Variants in NSG2 observed in about 807,000 individuals in gnomAD.
NSG2 encodes neuronal vesicle trafficking associated 2, also known as neuronal vesicle trafficking-associated protein 2.
A neutral mutation model predicts 16.9 loss-of-function variants in NSG2; 4 were observed. That is an observed-to-expected ratio of 0.24 (90% CI 0.12 to 0.54). NSG2 has a LOEUF of 0.54. Among genes scored for constraint, NSG2 ranks in the 20% least tolerant of loss-of-function variants. The probability of loss-of-function intolerance (pLI) is 0.95; values close to 1 mark genes in which losing one functional copy is unlikely to be tolerated. For synonymous variants in NSG2, 98 were observed against 88.7 expected (o/e 1.11, Z -0.59); for missense variants, 179 against 221.1 (o/e 0.81, Z 1.21).
At position 174,104,216 on chromosome 5, in the gene NSG2, G is replaced by C. The variant is rs768654994; in HGVS notation, c.214-12G>C. On this transcript the variant is annotated splice_polypyrimidine_tract_variant and intron_variant, in intron 3 of 4. Coordinates refer to ENST00000303177, the MANE Select transcript of NSG2 (RefSeq NM_015980.5). Reference sequence around the variant, plus strand: ...GACTGAGGCTGGATGACTTAATTTTGTATTCCTCCAGGTCACCATCCTTGT... The same window carrying C: ...GACTGAGGCTGGATGACTTAATTTTCTATTCCTCCAGGTCACCATCCTTGT... 6.2e-7 allele frequency: 1 copy of C among 1,603,642 alleles called. No individual in the cohort carries two copies. The highest frequency in any genetic ancestry group is 2.2e-5 in the East Asian group (1 of 44,824).
chr5:174,059,156 C>T (rs1050039501), intron 2 of NSG2, among the ~76,000 whole-genome samples: 8 of 152,272 alleles, frequency 5.3e-5, no homozygotes, highest in South Asian at 4.1e-4. Context: ...ACATATTATA[C>T]ATATAAATTA....
At chr5:174,055,831 G>A (rs1020942609) in intron 2 of NSG2, among the ~76,000 whole-genome samples, 2 of 152,122 alleles carry the variant, frequency 1.3e-5, no homozygotes, top group Admixed American at 6.5e-5. Flanking sequence ...TCCCTTTCCC[G>A]CTCTATGCCT....
chr5:174,095,291 A>G (rs541834932), intron 3 of NSG2, among the ~76,000 whole-genome samples: 136 of 152,328 alleles, frequency 8.9e-4, no homozygotes, highest in African/African-American at 3.2e-3. Flanking sequence ...ACAAATGACC[A>G]TAAACTGTGC....
intron 3 of NSG2, among the ~76,000 whole-genome samples, chr5:174,073,746 C>T (rs995654029): frequency 6.6e-5 from 10 of 152,142 alleles, no homozygotes; most frequent in Admixed American, 1.3e-4. Flanking sequence ...TGATGAGAGA[C>T]GGGGTGATTC....
intron 3 of NSG2, among the ~76,000 whole-genome samples, chr5:174,094,714 A>G (rs144160235): frequency 1.8e-3 from 270 of 152,320 alleles, no homozygotes; most frequent in African/African-American, 6.1e-3. Flanking sequence ...CAGACAAACT[A>G]TACTTCAGAT....
chr5:174,059,645 C>T (rs190349579), intron 2 of NSG2, among the ~76,000 whole-genome samples: 1 of 152,156 alleles, frequency 6.6e-6, no homozygotes, highest in Non-Finnish European at 1.5e-5. Flanking sequence ...GCCCCTATAA[C>T]TGTGGATCCC....
chr5:174,083,385 C>G (rs1034889369), intron 3 of NSG2, among the ~76,000 whole-genome samples: 2 of 152,172 alleles, frequency 1.3e-5, no homozygotes, highest in African/African-American at 4.8e-5. Flanking sequence ...TTCTTTATAA[C>G]AGAAATGAGG....
chr5:174,047,538 C>G (rs1453990598), intron 2 of NSG2, among the ~76,000 whole-genome samples: 1 of 152,158 alleles, frequency 6.6e-6, no homozygotes, highest in Non-Finnish European at 1.5e-5. Flanking sequence ...AGTAAAAACC[C>G]TTCCTGGCAG....
At chr5:174,064,378 C>CG in intron 3 of NSG2, 63 bp downstream of exon 3, 7 of 1,150,324 alleles carry the variant, frequency 6.1e-6, no homozygotes, top group Non-Finnish European at 8.9e-6. Flanking sequence ...CAGCTCAGCA[C>CG]ACCTCGTGCT....
intron 3 of NSG2, among the ~76,000 whole-genome samples, chr5:174,091,513 G>A (rs1268911429): frequency 3.9e-5 from 6 of 152,216 alleles, no homozygotes; most frequent in Non-Finnish European, 7.3e-5. Context: ...GGGAGCCTGG[G>A]GGGATGGGGG....
intron 2 of NSG2, among the ~76,000 whole-genome samples, chr5:174,058,905 G>A (rs1189335599): frequency 1.3e-5 from 2 of 152,208 alleles, no homozygotes; most frequent in African/African-American, 2.4e-5. Flanking sequence ...GACCCACATG[G>A]TATCAGGCAC....
At chr5:174,066,057 A>G (rs1760133796) in intron 3 of NSG2, 4 of 357,266 alleles carry the variant, frequency 1.1e-5, no homozygotes, top group South Asian at 8.4e-5. Context: ...TTTTCTCCCC[A>G]CTAAATCAAT....
chr5:174,059,616 G>T (rs970943877), intron 2 of NSG2, among the ~76,000 whole-genome samples: 2 of 152,118 alleles, frequency 1.3e-5, no homozygotes, highest in African/African-American at 4.8e-5. Flanking sequence ...TTATATTAAG[G>T]CTCAAAGAGT....
intron 3 of NSG2, among the ~76,000 whole-genome samples, chr5:174,088,712 A>G (rs1417370633): frequency 1.3e-5 from 2 of 152,078 alleles, no homozygotes; most frequent in Non-Finnish European, 2.9e-5. Flanking sequence ...TTTCCACACA[A>G]TGATTTCATT....
intron 3 of NSG2, among the ~76,000 whole-genome samples, chr5:174,083,726 TA>T (rs1760539071): frequency 6.6e-6 from 1 of 152,202 alleles, no homozygotes; most frequent in Non-Finnish European, 1.5e-5. Flanking sequence ...CTGCCTTCAG[TA>T]AATGGAGGGA....
At chr5:174,063,932 A>C (rs1270830801) in intron 2 of NSG2, among the ~76,000 whole-genome samples, 1 of 152,266 alleles carries the variant, frequency 6.6e-6, no homozygotes. Flanking sequence ...TAAACTATAA[A>C]GTATGAATTC....
intron 3 of NSG2, among the ~76,000 whole-genome samples, chr5:174,099,479 A>G (rs1351405553): frequency 6.6e-6 from 1 of 151,740 alleles, no homozygotes; most frequent in Non-Finnish European, 1.5e-5. Context: ...CCCCCTGCAA[A>G]CATGCCTCCT....
rs185082736 is a variant in NSG2, at chr5:174,087,890, G to A, written c.214-16338G>A. ...AAGCCTTTCCAGTGAAATCATCTTG[G>A]ATATGAGAGCACAGCCCACAGACAA... On this transcript the variant is annotated intron_variant, in intron 3 of 4. Coordinates refer to ENST00000303177, the MANE Select transcript of NSG2 (RefSeq NM_015980.5). Among the ~76,000 whole-genome samples, 80 of 152,104 alleles carry A rather than the reference G, an allele frequency of 5.3e-4. 1 individual carries two copies. The East Asian group carries it at 0.013, about 25-fold the overall frequency.
chr5:174,088,254 T>G (rs146761976), intron 3 of NSG2, among the ~76,000 whole-genome samples: 223 of 152,286 alleles, frequency 1.5e-3, no homozygotes, highest in African/African-American at 4.9e-3. Flanking sequence ...GGCTTAGAGA[T>G]ATCACAAAAG....
Sources: allele counts gnomAD v4.1 joint callset (sites outside exome capture counted in the v4.1 genomes callset), GRCh38; gene constraint gnomAD v4.1.1; transcripts MANE v1.5; gene names NCBI Gene and HGNC (gene_info 2026-07-23, HGNC 2026-07-21).